CHD8: variants seen among roughly 807,000 people sequenced by gnomAD.
CHD8 encodes the protein chromodomain helicase DNA binding protein 8.
A neutral mutation model predicts 279.2 loss-of-function variants in CHD8; 31 were observed. That is an observed-to-expected ratio of 0.11 (90% CI 0.08 to 0.15). The LOEUF is 0.15. Ranked by LOEUF, CHD8 falls within the 10% of genes least tolerant of loss-of-function variation. The pLI is 1.00. For missense variants in CHD8, 2,146 were observed against 3,230.5 expected, an observed-to-expected ratio of 0.66 and a Z score of 8.14; for synonymous variants, 1,081 against 1,139.6, an observed-to-expected ratio of 0.95 and a Z score of 1.04.
chr14:21,428,881 A>G, intron 3 of CHD8, 83 bp downstream of exon 3: 1 of 1,308,050 alleles, frequency 7.6e-7, no homozygotes, highest in East Asian at 2.4e-5. Flanking sequence ...CCCCACATTC[A>G]AGAATAAGTG....
At position 21,397,891 on chromosome 14, in the gene CHD8, G is replaced by A; in HGVS notation, c.4983C>T (p.Gly1661=). Residue 1661 remains glycine, a synonymous_variant, in exon 27 of 38, where the codon GGC becomes GGT. Transcript: ENST00000646647. ...CTGCAATTGCTTTGTCATCTGGTCG[G>A]CCAGCCTTTTCTAGGAAACATAAGG... ...DPALCFLEKA[G]RPDDKAIAAE... 6.2e-7 allele frequency: 1 copy of A among 1,612,180 alleles called. No individual in the cohort carries two copies. The highest frequency in any genetic ancestry group is 8.5e-7 in the Non-Finnish European group (1 of 1,178,946).
intron 35 of CHD8, 36 bp downstream of exon 35, chr14:21,391,797 C>G: frequency 6.4e-7 from 1 of 1,557,042 alleles, no homozygotes; most frequent in Non-Finnish European, 8.9e-7. Flanking sequence ...AAAAGACAAT[C>G]TAATCGTCAG....
intron 5 of CHD8, among the ~76,000 whole-genome samples, chr14:21,421,515 C>A (rs1889044180): frequency 6.6e-6 from 1 of 151,992 alleles, no homozygotes; most frequent in African/African-American, 2.4e-5. Context: ...TCACTGCATT[C>A]TTTTGAGAAC....
intron 5 of CHD8, chr14:21,416,212 A>T (rs1193733937): frequency 1.2e-5 from 3 of 255,702 alleles, no homozygotes; most frequent in Non-Finnish European, 2.2e-5. Context: ...TATAATTCAC[A>T]CTAGAAGCAA....
intron 10 of CHD8, among the ~76,000 whole-genome samples, chr14:21,411,085 C>T (rs1259034935): frequency 6.6e-6 from 1 of 152,096 alleles, no homozygotes; most frequent in Non-Finnish European, 1.5e-5. Flanking sequence ...TCATCTGTCA[C>T]GTCATTTGCA....
At chr14:21,432,532 A>G (rs1416380251) in intron 1 of CHD8, among the ~76,000 whole-genome samples, 1 of 152,230 alleles carries the variant, frequency 6.6e-6, no homozygotes, top group Middle Eastern at 3.2e-3. Context: ...TCCAATTTAT[A>G]TTCCCAACTT....
chr14:21,395,553 T>C (rs1203643041), intron 28 of CHD8: 2 of 601,192 alleles, frequency 3.3e-6, no homozygotes, highest in Admixed American at 6.1e-5. Flanking sequence ...TCAGTTCCTA[T>C]TAACGACTCA....
At chr14:21,415,693 AT>A in intron 6 of CHD8, 31 bp downstream of exon 6, 4 of 1,612,872 alleles carry the variant, frequency 2.5e-6, no homozygotes, top group Non-Finnish European at 3.4e-6. Context: ...CAGCAAGGCA[AT>A]CCTCTGAAAT....
intron 30 of CHD8, 64 bp from the exon 31 acceptor site, chr14:21,394,549 G>A: frequency 1.1e-6 from 1 of 889,678 alleles, no homozygotes; most frequent in Non-Finnish European, 1.5e-6. Context: ...CAAGAAAACT[G>A]GTTATTTTTT....
chr14:21,438,862 T>C (rs978414782), intron 1 of CHD8, among the ~76,000 whole-genome samples: 1 of 149,686 alleles, frequency 6.7e-6, no homozygotes, highest in Non-Finnish European at 1.5e-5. Context: ...GTGCAGTGGC[T>C]CACACCTGTA....
At position 21,405,458 on chromosome 14, in the gene CHD8, T is replaced by G; in HGVS notation, c.3058A>C (p.Lys1020Gln). Residue 1020 changes from lysine to glutamine, a missense_variant, in exon 16 of 38, where the codon AAG (lysine) becomes CAG (glutamine). Transcript: ENST00000646647. The surrounding 1 kb of genome is among the most constrained non-coding windows in gnomAD (Gnocchi z 4.2). ...GDLKTEEQVQ[K>Q]LQAILKPMML... ...ATTGGCTTAAGAATGGCCTGTAGCT[T>G]TTGAACCTGTGGTCCATTACAGAGA... 1 of 1,602,062 alleles carries G rather than the reference T, an allele frequency of 6.2e-7. No individual in the cohort carries two copies. Among genetic ancestry groups the G allele is most frequent in the Non-Finnish European group, 8.5e-7 (1 of 1,173,672 alleles).
rs976354171 is a variant in CHD8 at position 21,431,722 on chromosome 14, C to T, written c.-79G>A. ...GGGGGTACTGGCTCTCCCCTCCCCTCCCCTATTAAGAAAAAAATGTACACA... is the reference window on the plus strand; with the variant it reads ...GGGGGTACTGGCTCTCCCCTCCCCTTCCCTATTAAGAAAAAAATGTACACA... On this transcript the variant is annotated 5_prime_UTR_variant, in exon 2 of 38. Transcript: ENST00000646647. The T allele has an allele frequency of 3.1e-6, 5 of 1,609,254 alleles. No individual in the cohort carries two copies. In the African/African-American group the frequency reaches 5.4e-5, roughly 17 times the overall value.
At chr14:21,419,938 C>T (rs1888946860) in intron 5 of CHD8, 1 of 222,350 alleles carries the variant, frequency 4.5e-6, no homozygotes, top group Admixed American at 5.6e-5. Flanking sequence ...CGTGAGGAAT[C>T]ACAATTTGAG....
chr14:21,399,959 A>G (rs1344084168), intron 25 of CHD8, 22 bp downstream of exon 25: 5 of 1,602,664 alleles, frequency 3.1e-6, no homozygotes, highest in Middle Eastern at 2.1e-4. Flanking sequence ...GCATAAATCA[A>G]AAAAATATAG....
At chr14:21,438,669 C>T (rs1004032129) in intron 1 of CHD8, among the ~76,000 whole-genome samples, 1 of 151,800 alleles carries the variant, frequency 6.6e-6, no homozygotes, top group Non-Finnish European at 1.5e-5. Context: ...CCCGTCTCTA[C>T]TAAAAATACA....
At position 21,431,230 on chromosome 14, in the gene CHD8, G is replaced by C. The variant is rs1412511907; in HGVS notation, c.414C>G (p.Val138=). 1 of 1,598,826 alleles carries C rather than the reference G, an allele frequency of 6.3e-7. No homozygotes were observed. Among genetic ancestry groups the C allele is most frequent in the African/African-American group, 1.3e-5 (1 of 75,036 alleles). The change falls in exon 2 of 38, where the codon GTC becomes GTG. Residue 138 remains valine (V), a synonymous_variant. Transcript: ENST00000646647. ...ILSQGNPFMG[V]SATAVSSSSA... is the part of the protein sequence containing the mutation. ...TACTGGAGGAGACAGCTGTGGCAGA[G>C]ACACCCATGAAAGGATTCCCTTGGC...
Position 21,431,067 on chromosome 14 carries a change from C to T in CHD8, c.577G>A (p.Gly193Ser). Reference sequence around the variant, plus strand: ...GTGACTTTTCCACCATTGGCTGTGCCTGCCACCAGGGGCTGAGCTGTGCTG... The same window carrying T: ...GTGACTTTTCCACCATTGGCTGTGCTTGCCACCAGGGGCTGAGCTGTGCTG... ...ITSTAQPLVAGTANGGKVTFT... is the reference protein window; with the variant it reads ...ITSTAQPLVASTANGGKVTFT... The change falls in exon 2 of 38, where the codon GGC becomes AGC. Residue 193 changes from glycine (G) to serine (S), a missense_variant. This residue lies in a region of CHD8 where 302 missense variants were observed against 325.5 expected (regional missense o/e 0.93). Coordinates refer to ENST00000646647, the MANE Select transcript of CHD8 (RefSeq NM_001170629.2). The T allele has an allele frequency of 3.1e-6, 5 of 1,599,332 alleles. No homozygotes were observed. The highest frequency in any genetic ancestry group is 4.2e-6 in the Non-Finnish European group (5 of 1,179,710).
rs1377697340 is a variant in CHD8, at chr14:21,400,335, G to A, written c.4571-28C>T. On this transcript the variant is annotated intron_variant, in intron 23 of 37. Transcript: ENST00000646647. This position sits in a 1 kb window ranked among gnomAD's most constrained non-coding sequence, Gnocchi z 4.2. ...GGGAAAGGGGAGACATCAAAGACTT[G>A]GATTGAGAAAAACCCTTGGACCTGA... 3.1e-6 allele frequency: 5 copies of A among 1,611,720 alleles called. No individual in the cohort carries two copies. Among genetic ancestry groups the A allele is most frequent in the Non-Finnish European group, 4.2e-6 (5 of 1,179,352 alleles).
At chr14:21,415,330 G>A (rs969307574) in intron 7 of CHD8, 9 of 332,734 alleles carry the variant, frequency 2.7e-5, no homozygotes, top group African/African-American at 1.3e-4. Flanking sequence ...ATAGCATTAC[G>A]GGTTAATATT....
Sources: allele counts gnomAD v4.1 joint callset (sites outside exome capture counted in the v4.1 genomes callset), GRCh38; gene constraint gnomAD v4.1.1; regional missense constraint gnomAD v4.1.1; non-coding constraint Gnocchi (gnomAD v3.1); transcripts MANE v1.5; gene names NCBI Gene and HGNC (gene_info 2026-07-23, HGNC 2026-07-21).